Variants in TRMT11 observed in about 807,000 individuals in gnomAD.
TRMT11 encodes the protein tRNA methyltransferase 11, also known as tRNA (guanine(10)-N(2))-methyltransferase TRMT11.
In TRMT11, 53 loss-of-function variants were observed where a neutral mutation model predicts 62.8. The ratio of observed to expected loss-of-function variants is 0.84; its 90% CI spans 0.68 to 1.06. The LOEUF (loss-of-function observed/expected upper bound fraction) is 1.06. Among genes scored for constraint, TRMT11 ranks in the 50% least tolerant of loss-of-function variants. TRMT11 has a pLI of 0.00. For missense variants in TRMT11, 556 were observed against 553.4 expected (o/e 1.00, Z -0.05); for synonymous variants, 188 against 190.3 (o/e 0.99, Z 0.10).
At chr6:126,104,453 G>A (rs1052603771) in intron 17 of TRMT11, among the ~76,000 whole-genome samples, 5 of 152,174 alleles carry the variant, frequency 3.3e-5, no homozygotes, top group African/African-American at 1.2e-4. Context: ...AGGAAGCTGA[G>A]GTTGAGCCAC....
chr6:126,216,534 T>C, the TRMT11 span, among the ~76,000 whole-genome samples: 2 of 152,176 alleles, frequency 1.3e-5, no homozygotes, highest in Non-Finnish European at 2.9e-5. Flanking sequence ...AGAGAAGATT[T>C]TTCCTTCAGC....
chr6:126,096,432 G>A (rs1777340344), intron 17 of TRMT11, among the ~76,000 whole-genome samples: 1 of 152,110 alleles, frequency 6.6e-6, no homozygotes, highest in South Asian at 2.1e-4. Flanking sequence ...TAACCAGCTT[G>A]TCTCTAACTC....
chr6:126,038,911 T>G lies in TRMT11; in HGVS notation c.*75T>G, dbSNP rs556759500. 9.9e-5 allele frequency: 126 copies of G among 1,267,150 alleles called. 1 individual carries two copies. The South Asian group carries it at 1.7e-3, about 17-fold the overall frequency. 78.5% of individuals were successfully genotyped at this position (1,267,150 alleles called of 1,614,324 possible). On this transcript the variant is annotated 3_prime_UTR_variant, in exon 13 of 13. Coordinates refer to ENST00000334379, the MANE Select transcript of TRMT11 (RefSeq NM_001031712.3). Reference sequence around the variant, plus strand: ...ACATCTGGATGTGAACTTTCATGTATGATCCAGAAAATAGGTACGGTTTTA... The same window carrying G: ...ACATCTGGATGTGAACTTTCATGTAGGATCCAGAAAATAGGTACGGTTTTA...
chr6:126,180,365 G>A (rs1778444378), intron 1 of TRMT11, among the ~76,000 whole-genome samples: 1 of 152,108 alleles, frequency 6.6e-6, no homozygotes, highest in African/African-American at 2.4e-5. Flanking sequence ...ATTGCCATTA[G>A]CCAAGTGAAC....
intron 21 of TRMT11, among the ~76,000 whole-genome samples, chr6:126,153,826 G>C (rs1300496050): frequency 6.6e-6 from 1 of 152,138 alleles, no homozygotes; most frequent in African/African-American, 2.4e-5. Context: ...TGCATGTTTT[G>C]CACATTGTAT....
chr6:126,256,150 G>A, the TRMT11 span, among the ~76,000 whole-genome samples: 3 of 152,194 alleles, frequency 2.0e-5, no homozygotes, highest in Non-Finnish European at 1.5e-5. Context: ...CTCTCCATGT[G>A]AGTGTTTCCA....
At chr6:126,138,356 T>G (rs1390557265) in intron 21 of TRMT11, among the ~76,000 whole-genome samples, 2 of 152,140 alleles carry the variant, frequency 1.3e-5, no homozygotes, top group Non-Finnish European at 1.5e-5. Context: ...TTTTATTTCT[T>G]AAAAGACTTT....
the TRMT11 span, among the ~76,000 whole-genome samples, chr6:126,244,546 CT>C: frequency 1.3e-5 from 2 of 152,146 alleles, no homozygotes. Context: ...GGGAAATCAG[CT>C]TTTGACAGGG....
At chr6:126,234,706 A>C in the TRMT11 span, among the ~76,000 whole-genome samples, 23 of 152,280 alleles carry the variant, frequency 1.5e-4, no homozygotes, top group African/African-American at 4.6e-4. Context: ...AAATTAATAT[A>C]TGTGTATTTC....
intron 1 of TRMT11, among the ~76,000 whole-genome samples, chr6:126,197,431 A>AT (rs1359055326): frequency 6.6e-6 from 1 of 152,146 alleles, no homozygotes; most frequent in African/African-American, 2.4e-5. Context: ...TTCCTAACAT[A>AT]TTTTTAACTT....
chr6:126,244,468 G>A, the TRMT11 span, among the ~76,000 whole-genome samples: 1 of 152,056 alleles, frequency 6.6e-6, no homozygotes, highest in Non-Finnish European at 1.5e-5. Flanking sequence ...AGAATCTATG[G>A]CCAGTATCAA....
At chr6:126,058,063 C>T (rs1168435516) in intron 17 of TRMT11, among the ~76,000 whole-genome samples, 3 of 152,004 alleles carry the variant, frequency 2.0e-5, no homozygotes, top group Non-Finnish European at 2.9e-5. Context: ...CCCATCAGCC[C>T]GACACTACAT....
At chr6:126,159,925 G>T in intron 21 of TRMT11, among the ~76,000 whole-genome samples, 1 of 152,098 alleles carries the variant, frequency 6.6e-6, no homozygotes, top group Admixed American at 6.5e-5. Context: ...AAGTCAACAG[G>T]AATTGGAAGG....
intron 21 of TRMT11, among the ~76,000 whole-genome samples, chr6:126,155,809 C>T (rs1778112662): frequency 6.6e-6 from 1 of 152,178 alleles, no homozygotes; most frequent in Non-Finnish European, 1.5e-5. Context: ...CAAGCTCTGC[C>T]TCCCAGGTTC....
intron 21 of TRMT11, among the ~76,000 whole-genome samples, chr6:126,127,310 T>G (rs1777729279): frequency 6.6e-6 from 1 of 151,966 alleles, no homozygotes; most frequent in Non-Finnish European, 1.5e-5. Context: ...AGTGGTAGTT[T>G]GAGAGAGGGC....
At chr6:126,056,544 G>T (rs1776380619) in intron 17 of TRMT11, among the ~76,000 whole-genome samples, 1 of 152,132 alleles carries the variant, frequency 6.6e-6, no homozygotes, top group South Asian at 2.1e-4. Context: ...CTCCTGATTG[G>T]CCACCTTTGG....
chr6:125,989,853 A>C (rs1483205390), intron 1 of TRMT11, among the ~76,000 whole-genome samples: 1 of 152,164 alleles, frequency 6.6e-6, no homozygotes, highest in Non-Finnish European at 1.5e-5. Context: ...TAGTGCTGCC[A>C]AAACTGACTC....
At chr6:126,079,356 G>A (rs147617115) in intron 17 of TRMT11, among the ~76,000 whole-genome samples, 250 of 152,168 alleles carry the variant, frequency 1.6e-3, no homozygotes, top group African/African-American at 5.8e-3. Context: ...ACTACTGCCC[G>A]TATTTAATGA....
intron 12 of TRMT11, among the ~76,000 whole-genome samples, chr6:126,026,694 A>G (rs952264752): frequency 1.3e-5 from 2 of 151,814 alleles, no homozygotes; most frequent in Admixed American, 6.6e-5. Context: ...TCTAAAAGGT[A>G]AATATTCTTG....
Sources: allele counts gnomAD v4.1 joint callset (sites outside exome capture counted in the v4.1 genomes callset), GRCh38; gene constraint gnomAD v4.1.1; transcripts MANE v1.5; gene names NCBI Gene and HGNC (gene_info 2026-07-23, HGNC 2026-07-21).